Variants in OXNAD1 observed in about 807,000 individuals in gnomAD.
OXNAD1 encodes the protein oxidoreductase NAD binding domain containing 1, also known as oxidoreductase NAD-binding domain-containing protein 1.
OXNAD1 carries 34 observed loss-of-function variants against 32.9 expected under a neutral mutation model. That is an observed-to-expected ratio of 1.03 (90% CI 0.79 to 1.38). The LOEUF (loss-of-function observed/expected upper bound fraction) is 1.38. Ranked by LOEUF, OXNAD1 falls within the 40% of genes most tolerant of loss-of-function variation. The pLI, the probability that OXNAD1 is intolerant of heterozygous loss-of-function variation, is 0.00. For missense variants in OXNAD1, 407 were observed against 379.4 expected, an observed-to-expected ratio of 1.07 and a Z score of -0.60; for synonymous variants, 134 against 135.2, an observed-to-expected ratio of 0.99 and a Z score of 0.06.
rs1410857575 is a variant in OXNAD1 at position 16,316,763 on chromosome 3, C to G, written c.*30+13171C>G. ...AACACCAGGGAAACCAGCCCCCAAACCAGCTGTTGGTAAGATGCCTTGGGT... is the reference window on the plus strand; with the variant it reads ...AACACCAGGGAAACCAGCCCCCAAAGCAGCTGTTGGTAAGATGCCTTGGGT... On this transcript the variant is annotated intron_variant, in intron 9 of 9. Transcript: ENST00000435829. This position sits in a 1 kb window ranked among gnomAD's most constrained non-coding sequence, Gnocchi z 4.5. The G allele has an allele frequency of 6.3e-7, 1 of 1,595,788 alleles. No individual in the cohort carries two copies. Among genetic ancestry groups the G allele is most frequent in the African/African-American group, 1.3e-5 (1 of 74,414 alleles).
At position 16,345,788 on chromosome 3, in the gene OXNAD1, C is replaced by CTGTGTGTGTG. The variant is rs370820242; in HGVS notation, c.*31-3367_*31-3358dup. Among the ~76,000 whole-genome samples, 1,666 of 127,188 alleles carry CTGTGTGTGTG rather than the reference C, an allele frequency of 0.013. 20 individuals carry two copies. Among genetic ancestry groups the CTGTGTGTGTG allele is most frequent in the South Asian group, 0.016 (59 of 3,588 alleles). 83.4% of individuals were successfully genotyped at this position (127,188 alleles called of 152,430 possible). ...TGAGCCAAAACCTTATAATAAATCT[C>CTGTGTGTGTG]TGTGTGTGTGTGTGTGTGTGTGTGT... On this transcript the variant is annotated intron_variant, in intron 9 of 9. Transcript: ENST00000606098. The surrounding 1 kb of genome is among the most constrained non-coding windows in gnomAD (Gnocchi z 5.2).
intron 9 of OXNAD1, among the ~76,000 whole-genome samples, chr3:16,333,836 A>C (rs1399567153): frequency 6.6e-6 from 1 of 152,230 alleles, no homozygotes; most frequent in Admixed American, 6.5e-5. Flanking sequence ...CACTAAGTGC[A>C]TGAGAGAAAT....
downstream of OXNAD1, among the ~76,000 whole-genome samples, chr3:16,338,372 C>A (rs1474766510): frequency 6.6e-6 from 1 of 152,202 alleles, no homozygotes; most frequent in Non-Finnish European, 1.5e-5. This position sits in a 1 kb window ranked among gnomAD's most constrained non-coding sequence, Gnocchi z 5.3. Context: ...CAACTCTGAC[C>A]CGTAGCAGGG....
intron 6 of OXNAD1, 138 bp downstream of exon 6, chr3:16,295,135 G>A: frequency 9.1e-7 from 1 of 1,094,084 alleles, no homozygotes; most frequent in Non-Finnish European, 1.2e-6. Context: ...TTCTAAGAAA[G>A]GTCAAAGAAA....
chr3:16,271,126 C>G lies in OXNAD1; in HGVS notation c.119+55C>G. Reference sequence around the variant, plus strand: ...AAGTTAATTTTCAAAGAGACCCGACCTGCTGATGGTTGTGGGAGGCATATC... The same window carrying G: ...AAGTTAATTTTCAAAGAGACCCGACGTGCTGATGGTTGTGGGAGGCATATC... On this transcript the variant is annotated intron_variant, in intron 3 of 8. Coordinates refer to ENST00000285083, the MANE Select transcript of OXNAD1 (RefSeq NM_138381.5). The surrounding 1 kb of genome is among the most constrained non-coding windows in gnomAD (Gnocchi z 4.6). The G allele has an allele frequency of 6.3e-7, 1 of 1,589,702 alleles. No homozygotes were observed. The highest frequency in any genetic ancestry group is 8.6e-7 in the Non-Finnish European group (1 of 1,163,184).
rs1370524193 is a variant in OXNAD1 at position 16,346,586 on chromosome 3, CCTCA to C, written c.*31-2587_*31-2584del. 3 of 152,236 alleles carry C rather than the reference CCTCA, an allele frequency of 2.0e-5. No homozygotes were observed. Among genetic ancestry groups the C allele is most frequent in the Admixed American group, 1.3e-4 (2 of 15,284 alleles). 9.4% of individuals were successfully genotyped at this position (152,236 alleles called of 1,614,324 possible). On this transcript the variant is annotated intron_variant, in intron 9 of 9. Coordinates refer to the OXNAD1 transcript ENST00000606098. The surrounding 1 kb of genome is among the most constrained non-coding windows in gnomAD (Gnocchi z 4.4). Reference sequence around the variant, plus strand: ...GCCCCTCGATGGCCCAGGGCTTCTTCCTCACTGACACCCCCCAGGCCTGGACAAC... The same window carrying C: ...GCCCCTCGATGGCCCAGGGCTTCTTCCTGACACCCCCCAGGCCTGGACAAC...
In OXNAD1 at chr3:16,344,374, T is replaced by C. The variant is rs2071503487; in HGVS notation, c.*31-4802T>C. Among the ~76,000 whole-genome samples, 1 of 151,994 alleles carries C rather than the reference T, an allele frequency of 6.6e-6. No individual in the cohort carries two copies. The highest frequency in any genetic ancestry group is 1.5e-5 in the Non-Finnish European group (1 of 68,008). Reference sequence around the variant, plus strand: ...TAGGATGCTTCCTATAGGCATCAACTATAATCTAATTTAGAAACAACATGT... The same window carrying C: ...TAGGATGCTTCCTATAGGCATCAACCATAATCTAATTTAGAAACAACATGT... On this transcript the variant is annotated intron_variant, in intron 9 of 9. Coordinates refer to the OXNAD1 transcript ENST00000606098. This position sits in a 1 kb window ranked among gnomAD's most constrained non-coding sequence, Gnocchi z 4.4.
At chr3:16,282,866 C>A (rs180798457) in intron 4 of OXNAD1, among the ~76,000 whole-genome samples, 1 of 128,124 alleles carries the variant, frequency 7.8e-6, no homozygotes, top group Admixed American at 8.9e-5. Flanking sequence ...AGTAGAGAGC[C>A]GTTTAAGGTT....
chr3:16,269,066 G>T, intron 1 of OXNAD1, 60 bp from the exon 2 acceptor site: 1 of 1,371,202 alleles, frequency 7.3e-7, no homozygotes, highest in Non-Finnish European at 9.4e-7. Flanking sequence ...CAGCTAAGAG[G>T]TAATAGTGCT....
Position 16,302,554 on chromosome 3 carries a change from G to A in OXNAD1, c.676-86G>A, listed in dbSNP as rs1320060872. ...GAGAGCGGCAGACGTGTGCAGAATG[G>A]GAGTTGAGGTTCAGCGTCAATGGTT... On this transcript the variant is annotated intron_variant, in intron 7 of 8. Coordinates refer to ENST00000285083, the MANE Select transcript of OXNAD1 (RefSeq NM_138381.5). This position sits in a 1 kb window ranked among gnomAD's most constrained non-coding sequence, Gnocchi z 4.2. 2 of 849,238 alleles carry A rather than the reference G, an allele frequency of 2.4e-6. No homozygotes were observed. Among genetic ancestry groups the A allele is most frequent in the African/African-American group, 3.4e-5 (2 of 59,054 alleles). 52.6% of individuals were successfully genotyped at this position (849,238 alleles called of 1,614,324 possible).
At chr3:16,281,145 T>G (rs1349983233) in intron 4 of OXNAD1, among the ~76,000 whole-genome samples, 1 of 152,220 alleles carries the variant, frequency 6.6e-6, no homozygotes, top group East Asian at 1.9e-4. Context: ...TCAAAAAGAT[T>G]TCGTTGATGT....
rs1008359004 is a variant in OXNAD1 at position 16,288,580 on chromosome 3, C to T, written c.290+2132C>T. 1.3e-5 allele frequency among the ~76,000 whole-genome samples: 2 copies of T among 152,172 alleles called. No individual in the cohort carries two copies. Among genetic ancestry groups the T allele is most frequent in the Non-Finnish European group, 2.9e-5 (2 of 68,032 alleles). ...CTCAAGGGGCTCTTTTTGCACTACA[C>T]TGTATTCTTACTGGGCCTTGCAGAG... On this transcript the variant is annotated intron_variant, in intron 5 of 8. Transcript: ENST00000285083. The surrounding 1 kb of genome is among the most constrained non-coding windows in gnomAD (Gnocchi z 5.1).
At chr3:16,326,816 G>T (rs775348055) in intron 9 of OXNAD1, 2 of 1,614,018 alleles carry the variant, frequency 1.2e-6, no homozygotes, top group South Asian at 2.2e-5. Flanking sequence ...CAGGTGAGCT[G>T]CCAGCCATAG....
At position 16,344,952 on chromosome 3, in the gene OXNAD1, G is replaced by C. The variant is rs189346268; in HGVS notation, c.*31-4224G>C. On this transcript the variant is annotated intron_variant, in intron 9 of 9. Coordinates refer to the OXNAD1 transcript ENST00000606098. This position sits in a 1 kb window ranked among gnomAD's most constrained non-coding sequence, Gnocchi z 4.4. ...ACCATTTGCCCTCTCTTCATCTGTGGCTCTCAAACTATGCATTTTAAGCTC... is the reference window on the plus strand; with the variant it reads ...ACCATTTGCCCTCTCTTCATCTGTGCCTCTCAAACTATGCATTTTAAGCTC... Among the ~76,000 whole-genome samples the C allele has an allele frequency of 1.3e-5, 2 of 152,252 alleles. No homozygotes were observed. Among genetic ancestry groups the C allele is most frequent in the Admixed American group, 1.3e-4 (2 of 15,306 alleles).
chr3:16,326,937 G>C, intron 9 of OXNAD1: 8 of 1,289,188 alleles, frequency 6.2e-6, no homozygotes, highest in Non-Finnish European at 8.8e-6. Context: ...CAGGCAATGA[G>C]AGGGGACTAT....
In OXNAD1 at chr3:16,280,280, C is replaced by T. The variant is rs540582666; in HGVS notation, c.184-6062C>T. On this transcript the variant is annotated intron_variant, in intron 4 of 8. Transcript: ENST00000285083. This position sits in a 1 kb window ranked among gnomAD's most constrained non-coding sequence, Gnocchi z 4.5. ...TTGCTGGAGGGAAGGCTTGAGAAGA[C>T]GGAGAGGAGACCAGCCCAGGTGGAC... 4.5e-4 allele frequency among the ~76,000 whole-genome samples: 69 copies of T among 152,162 alleles called. No homozygotes were observed. Among genetic ancestry groups the T allele is most frequent in the African/African-American group, 1.4e-3 (60 of 41,512 alleles).
intron 4 of OXNAD1, among the ~76,000 whole-genome samples, chr3:16,273,368 T>G (rs1238022321): frequency 6.7e-6 from 1 of 148,746 alleles, no homozygotes; most frequent in Non-Finnish European, 1.5e-5. Flanking sequence ...AGATAGATAG[T>G]TAATAGTATT....
At chr3:16,337,539 C>T (rs1020920256), downstream of OXNAD1, among the ~76,000 whole-genome samples, 14 of 151,844 alleles carry the variant, frequency 9.2e-5, no homozygotes, top group African/African-American at 2.4e-4. This position sits in a 1 kb window ranked among gnomAD's most constrained non-coding sequence, Gnocchi z 5.0. Flanking sequence ...GTCAGGAGAT[C>T]GAGACCACCC....
chr3:16,314,400 C>T lies in OXNAD1; in HGVS notation c.*30+10808C>T, dbSNP rs1000875124. 3 of 152,150 alleles carry T rather than the reference C, an allele frequency of 2.0e-5. No individual in the cohort carries two copies. The highest frequency in any genetic ancestry group is 7.2e-5 in the African/African-American group (3 of 41,428). 9.4% of individuals were successfully genotyped at this position (152,150 alleles called of 1,614,324 possible). The stretch of plus-strand genomic sequence containing the variant: ...AGCTGTGTTTCAACTGACAGAGACC[C>T]TGTGGCCAGTGGTATTCAACTTTGG... On this transcript the variant is annotated intron_variant, in intron 9 of 9. Transcript: ENST00000435829. This position sits in a 1 kb window ranked among gnomAD's most constrained non-coding sequence, Gnocchi z 4.4.
Sources: allele counts gnomAD v4.1 joint callset (sites outside exome capture counted in the v4.1 genomes callset), GRCh38; gene constraint gnomAD v4.1.1; non-coding constraint Gnocchi (gnomAD v3.1); transcripts MANE v1.5; gene names NCBI Gene and HGNC (gene_info 2026-07-23, HGNC 2026-07-21).